The following FAAH2 variants were observed in gnomAD, a reference collection of about 807,000 sequenced individuals.
FAAH2 encodes fatty acid amide hydrolase 2.
In FAAH2, 60 loss-of-function variants were observed where a neutral mutation model predicts 36.9. The observed-to-expected ratio is 1.63, with a 90% CI of 1.32 to 2.02. The LOEUF (loss-of-function observed/expected upper bound fraction) is 2.02. FAAH2 is among the 30% of genes most tolerant of loss of function. The pLI, the probability that FAAH2 is intolerant of heterozygous loss-of-function variation, is 0.00. For missense variants in FAAH2, 689 were observed against 397.5 expected, an observed-to-expected ratio of 1.73 and a Z score of -6.23; for synonymous variants, 214 against 143.8, an observed-to-expected ratio of 1.49 and a Z score of -3.49.
intron 8 of FAAH2, among the ~76,000 whole-genome samples, chrX:57,437,943 A>G (rs1198058848): frequency 3.9e-5 from 4 of 103,862 alleles, no homozygotes; most frequent in African/African-American, 1.4e-4. Flanking sequence ...ATACATAGGT[A>G]CATGTATACA....
intron 7 of FAAH2, among the ~76,000 whole-genome samples, chrX:57,404,362 G>C (rs1213365002): frequency 8.9e-6 from 1 of 111,897 alleles, no homozygotes; most frequent in African/African-American, 3.3e-5. Context: ...GGAAACAGTG[G>C]AAGGACATTC....
chrX:57,169,220 T>C, the FAAH2 span, among the ~76,000 whole-genome samples: 1 of 107,828 alleles, frequency 9.3e-6, no homozygotes, highest in East Asian at 3.0e-4. Flanking sequence ...AATTACATCC[T>C]TAAAGGCCCT....
chrX:57,210,940 T>C, the FAAH2 span, among the ~76,000 whole-genome samples: 1 of 112,449 alleles, frequency 8.9e-6, no homozygotes, highest in African/African-American at 3.2e-5. Flanking sequence ...AATATGTATT[T>C]TATACAATAT....
At chrX:57,133,315 T>G in the FAAH2 span, among the ~76,000 whole-genome samples, 1 of 112,045 alleles carries the variant, frequency 8.9e-6, no homozygotes, top group Middle Eastern at 4.2e-3. Flanking sequence ...CCTAGAAGAG[T>G]GCCTGGCAGA....
intron 6 of FAAH2, among the ~76,000 whole-genome samples, chrX:57,380,075 G>A (rs1242555775): frequency 9.0e-6 from 1 of 110,986 alleles, no homozygotes; most frequent in Admixed American, 9.6e-5. Context: ...GGAAAATGGG[G>A]TAGGTATCCA....
intron 5 of FAAH2, among the ~76,000 whole-genome samples, chrX:57,346,008 T>G (rs1442506081): frequency 9.0e-6 from 1 of 111,575 alleles, no homozygotes; most frequent in Non-Finnish European, 1.9e-5. Flanking sequence ...GATTTAAATT[T>G]TTTTGAATTT....
At chrX:57,185,765 A>T in the FAAH2 span, among the ~76,000 whole-genome samples, 1 of 108,121 alleles carries the variant, frequency 9.2e-6, no homozygotes, top group Non-Finnish European at 1.9e-5. Flanking sequence ...GTGTCCATGT[A>T]TTCTCATTGC....
At chrX:57,264,905 C>T in the FAAH2 span, among the ~76,000 whole-genome samples, 49,815 of 110,807 alleles carry the variant, frequency 0.45, 11,218 homozygotes, top group African/African-American at 0.88. Flanking sequence ...CAGGTAAATA[C>T]AGCACCTTCA....
intron 3 of FAAH2, among the ~76,000 whole-genome samples, chrX:57,312,263 C>T (rs745681819): frequency 5.4e-5 from 6 of 112,056 alleles, no homozygotes; most frequent in Non-Finnish European, 7.5e-5. Flanking sequence ...AACTAGCTAC[C>T]GGCCATTACT....
At chrX:57,165,102 C>G in the FAAH2 span, among the ~76,000 whole-genome samples, 1 of 112,532 alleles carries the variant, frequency 8.9e-6, no homozygotes, top group African/African-American at 3.2e-5. Context: ...GGACTCTAAA[C>G]TAGTTCAACC....
chrX:57,466,156 C>CTA (rs1163626331), intron 10 of FAAH2, among the ~76,000 whole-genome samples: 752 of 66,374 alleles, frequency 0.011, 15 homozygotes, highest in African/African-American at 0.042. Context: ...CTCTCTCTCT[C>CTA]TATATATATA....
At chrX:57,466,818 C>G (rs1436398866) in intron 10 of FAAH2, among the ~76,000 whole-genome samples, 3 of 111,406 alleles carry the variant, frequency 2.7e-5, no homozygotes, top group Non-Finnish European at 5.6e-5. Context: ...AGAATGCAGA[C>G]AAGCATTAAG....
At chrX:57,474,000 A>G (rs1317662335) in intron 10 of FAAH2, among the ~76,000 whole-genome samples, 1 of 111,380 alleles carries the variant, frequency 9.0e-6, no homozygotes, top group Non-Finnish European at 1.9e-5. Flanking sequence ...ATTTACATGC[A>G]AGATTAATAT....
chrX:57,267,502 GCA>G, the FAAH2 span, among the ~76,000 whole-genome samples: 1 of 112,697 alleles, frequency 8.9e-6, no homozygotes, highest in Non-Finnish European at 1.9e-5. Flanking sequence ...CTGCAACAGT[GCA>G]CACAGTCTCT....
chrX:57,472,206 C>T (rs753048640), intron 10 of FAAH2, among the ~76,000 whole-genome samples: 2 of 112,009 alleles, frequency 1.8e-5, no homozygotes, highest in East Asian at 5.6e-4. Flanking sequence ...GTCTAAAACA[C>T]CAAAAGCAAT....
chrX:57,338,663 G>A (rs1290993493), intron 4 of FAAH2, among the ~76,000 whole-genome samples: 1 of 110,961 alleles, frequency 9.0e-6, no homozygotes, highest in African/African-American at 3.3e-5. Context: ...AATCACAATT[G>A]CTACAAAAGA....
chrX:57,137,836 A>T, the FAAH2 span, among the ~76,000 whole-genome samples: 2 of 111,675 alleles, frequency 1.8e-5, no homozygotes, highest in African/African-American at 6.5e-5. Flanking sequence ...GGAGACATGA[A>T]TCCTTTACGA....
chrX:57,467,585 G>A (rs2057074778), intron 10 of FAAH2, among the ~76,000 whole-genome samples: 1 of 111,824 alleles, frequency 8.9e-6, no homozygotes, highest in Non-Finnish European at 1.9e-5. Context: ...GCTTGAGTAG[G>A]TAAACAAAGC....
chrX:57,259,010 C>T, the FAAH2 span, among the ~76,000 whole-genome samples: 20 of 110,600 alleles, frequency 1.8e-4, no homozygotes, highest in African/African-American at 6.6e-4. Context: ...TGAGCCATCA[C>T]GCCTGGTCAA....
Sources: allele counts gnomAD v4.1 joint callset (sites outside exome capture counted in the v4.1 genomes callset), GRCh38; gene constraint gnomAD v4.1.1; transcripts MANE v1.5; gene names NCBI Gene and HGNC (gene_info 2026-07-23, HGNC 2026-07-21).